SREBF1: variants seen among roughly 807,000 people sequenced by gnomAD.
SREBF1 encodes sterol regulatory element binding transcription factor 1.
In SREBF1, 45 loss-of-function variants were observed where a neutral mutation model predicts 100.1. The ratio of observed to expected loss-of-function variants is 0.45; its 90% CI spans 0.35 to 0.58. The LOEUF (loss-of-function observed/expected upper bound fraction) is 0.58. Among genes scored for constraint, SREBF1 ranks in the 20% least tolerant of loss-of-function variants. The pLI, the probability that SREBF1 is intolerant of heterozygous loss-of-function variation, is 0.00. For synonymous variants in SREBF1, 657 were observed against 681.8 expected, an observed-to-expected ratio of 0.96 and a Z score of 0.57; for missense variants, 1,324 against 1,539.4, an observed-to-expected ratio of 0.86 and a Z score of 2.34.
In SREBF1 at chr17:17,820,149, G is replaced by A. The variant is rs56061659; in HGVS notation, c.464C>T (p.Pro155Leu). ...TAACACAGGGGTGGAGCTGAACTGC[G>A]GTGGGGCTGGGGCTGGGAAGCTCTG... ...LPQSFPAPAP[P>L]QFSSTPVLGY... Residue 155 changes from proline (P) to leucine (L), a missense_variant, in exon 2 of 19, where the codon CCG becomes CTG. Coordinates refer to ENST00000261646, the MANE Select transcript of SREBF1 (RefSeq NM_004176.5). 1.5e-5 allele frequency: 24 copies of A among 1,613,140 alleles called. No homozygotes were observed. The highest frequency in any genetic ancestry group is 3.4e-4 in the Middle Eastern group (2 of 5,960).
intron 1 of SREBF1, among the ~76,000 whole-genome samples, chr17:17,822,018 C>G (rs890309077): frequency 1.3e-5 from 2 of 152,208 alleles, no homozygotes; most frequent in African/African-American, 4.8e-5. Flanking sequence ...CTTATAGAGT[C>G]AGAGACTCAA....
At chr17:17,828,933 G>T (rs748530232) in intron 1 of SREBF1, among the ~76,000 whole-genome samples, 1 of 151,206 alleles carries the variant, frequency 6.6e-6, no homozygotes, top group Admixed American at 6.6e-5. Flanking sequence ...ACTGGCTCAC[G>T]CCTGTAATCC....
At position 17,819,717 on chromosome 17, in the gene SREBF1, G is replaced by C; in HGVS notation, c.532C>G (p.Pro178Ala). ...PPGGFSTGSP[P>A]GNTQQPLPGL... The stretch of plus-strand genomic sequence containing the variant: ...GGCAGCGGCTGCTGGGTGTTCCCGG[G>C]AGGGCTTCCTGCAGAAATAAAGCAT... The change falls in exon 3 of 19, where the codon CCC (proline) becomes GCC (alanine). Residue 178 changes from proline (P) to alanine (A), a missense_variant. Transcript: ENST00000261646. 2 of 1,603,394 alleles carry C rather than the reference G, an allele frequency of 1.2e-6. No individual in the cohort carries two copies. Among genetic ancestry groups the C allele is most frequent in the South Asian group, 2.2e-5 (2 of 90,368 alleles).
At chr17:17,813,077 C>A in intron 18 of SREBF1, 1 of 603,100 alleles carries the variant, frequency 1.7e-6, no homozygotes, top group Admixed American at 2.9e-5. Context: ...ACAGTCACCC[C>A]ACTGATTCCT....
Position 17,820,320 on chromosome 17 carries a change from G to A in SREBF1, c.293C>T (p.Ser98Phe). 4 of 1,613,792 alleles carry A rather than the reference G, an allele frequency of 2.5e-6. No individual in the cohort carries two copies. The highest frequency in any genetic ancestry group is 3.4e-6 in the Non-Finnish European group (4 of 1,179,940). The change falls in exon 2 of 19, where the codon TCC becomes TTC. Residue 98 changes from serine to phenylalanine, a missense_variant. Transcript: ENST00000261646. ...TGGAGTGGGTGCAGGCTGGGGAGGG[G>A]ACAGGGGTGAGGGCGCTGCCTGCGG... ...SGPQAAPSPL[S>F]PPQPAPTPLK...
Position 17,819,321 on chromosome 17 carries a change from G to A in SREBF1, c.845C>T (p.Pro282Leu), listed in dbSNP as rs775239369. 1.1e-5 allele frequency: 17 copies of A among 1,613,616 alleles called. No individual in the cohort carries two copies. The highest frequency in any genetic ancestry group is 2.2e-5 in the South Asian group (2 of 91,088). The change falls in exon 4 of 19, where the codon CCG becomes CTG. Residue 282 changes from proline (P) to leucine (L), a missense_variant and splice_region_variant. Pro to Leu is a moderately conservative substitution (Grantham distance 98). Transcript: ENST00000261646. ...TTATGCCCTGCCCACGTCACCCACC[G>A]GCAAAGGCCCTGTCTGCACAGTGGT... ...SGTTVQTGPL[P>L]TLVSGGTILA...
In SREBF1 at chr17:17,820,279, A is replaced by G; in HGVS notation, c.334T>C (p.Ser112Pro). 6.2e-7 allele frequency: 1 copy of G among 1,613,842 alleles called. No individual in the cohort carries two copies. The highest frequency in any genetic ancestry group is 2.2e-5 in the East Asian group (1 of 44,874). ...GGCCCAGGGGAGAAAGCGGGCATGG[A>G]CGGGTACATCTTCAATGGAGTGGGT... Reference protein sequence around the residue: ...PAPTPLKMYPSMPAFSPGPGI... With the variant: ...PAPTPLKMYPPMPAFSPGPGI... Residue 112 changes from serine to proline, a missense_variant, in exon 2 of 19, where the codon TCC becomes CCC. Physicochemically the swap from Ser to Pro is moderately conservative, Grantham distance 74. Transcript: ENST00000261646.
intron 16 of SREBF1, 118 bp from the exon 17 acceptor site, chr17:17,813,887 T>C: frequency 9.3e-7 from 1 of 1,076,082 alleles, no homozygotes; most frequent in Non-Finnish European, 1.4e-6. Context: ...TGCACCCGCC[T>C]CACACACGTG....
intron 1 of SREBF1, 23 bp from the exon 2 acceptor site, chr17:17,820,544 C>T (rs756397641): frequency 8.1e-6 from 13 of 1,611,296 alleles, no homozygotes; most frequent in Middle Eastern, 1.6e-4. Flanking sequence ...GAAGAGGGTG[C>T]GTGAGTGAGG....
intron 1 of SREBF1, among the ~76,000 whole-genome samples, chr17:17,825,296 T>G (rs1179334480): frequency 6.6e-6 from 1 of 152,184 alleles, no homozygotes; most frequent in Non-Finnish European, 1.5e-5. Context: ...TGTCTCATCT[T>G]CCTGCTCTAA....
At chr17:17,830,439 A>G (rs1598139154) in intron 1 of SREBF1, among the ~76,000 whole-genome samples, 1 of 152,280 alleles carries the variant, frequency 6.6e-6, no homozygotes, top group Non-Finnish European at 1.5e-5. Flanking sequence ...AGCTGCTTTT[A>G]GTACTGCTCC....
In SREBF1 at chr17:17,812,134, A is replaced by G. The variant is rs138746790; in HGVS notation, c.*488T>C. 162 of 426,554 alleles carry G rather than the reference A, an allele frequency of 3.8e-4. No individual in the cohort carries two copies. The highest frequency in any genetic ancestry group is 3.2e-3 in the East Asian group (43 of 13,312). 26.4% of individuals were successfully genotyped at this position (426,554 alleles called of 1,614,324 possible). A position where few individuals can be genotyped will look rare whatever the true frequency, so the allele number is the denominator to read the frequency against. ...AAAACTTCTCAATCTATGAAAATAA[A>G]GTTTGCAAAAGGCAAAGTAGCACAG... is the stretch of plus-strand genomic sequence containing the variant. On this transcript the variant is annotated 3_prime_UTR_variant, in exon 19 of 19. Coordinates refer to ENST00000261646, the MANE Select transcript of SREBF1 (RefSeq NM_004176.5).
At chr17:17,830,668 C>A (rs1297140280) in intron 1 of SREBF1, among the ~76,000 whole-genome samples, 1 of 152,196 alleles carries the variant, frequency 6.6e-6, no homozygotes, top group East Asian at 1.9e-4. Flanking sequence ...GGGTAGGCCA[C>A]AAATTCCCCC....
rs1358761602 is a variant in SREBF1 at position 17,812,296 on chromosome 17, A to T, written c.*326T>A. ...CAAGTTGGCTTCCGTCAGCACAGGG[A>T]AATGTACCCCTCTCTTCCCTGTACA... On this transcript the variant is annotated 3_prime_UTR_variant, in exon 19 of 19. Transcript: ENST00000261646. The T allele has an allele frequency of 2.1e-6, 1 of 474,544 alleles. No individual in the cohort carries two copies. The highest frequency in any genetic ancestry group is 2.0e-5 in the African/African-American group (1 of 50,398). The allele number at this position is 474,544 out of a possible 1,614,324, so 29.4% of individuals were successfully genotyped here. A position where few individuals can be genotyped will look rare whatever the true frequency, so the allele number is the denominator to read the frequency against.
At chr17:17,815,376 T>C in intron 12 of SREBF1, 47 bp from the exon 13 acceptor site, 1 of 1,497,884 alleles carries the variant, frequency 6.7e-7, no homozygotes, top group Non-Finnish European at 9.3e-7. Flanking sequence ...GGCCCCACCC[T>C]CCTCTCCAAG....
chr17:17,813,485 G>C lies in SREBF1; in HGVS notation c.3103-6C>G. 1 of 1,595,058 alleles carries C rather than the reference G, an allele frequency of 6.3e-7. No homozygotes were observed. The highest frequency in any genetic ancestry group is 8.5e-7 in the Non-Finnish European group (1 of 1,170,998). Reference sequence around the variant, plus strand: ...GTGGCCTCATGTAGGAACACCTGGGGGCCAGGAGAGTGGAGGCTCAGGGCT... The same window carrying C: ...GTGGCCTCATGTAGGAACACCTGGGCGCCAGGAGAGTGGAGGCTCAGGGCT... On this transcript the variant is annotated splice_region_variant and splice_polypyrimidine_tract_variant and intron_variant, in intron 17 of 18. Coordinates refer to ENST00000261646, the MANE Select transcript of SREBF1 (RefSeq NM_004176.5).
rs139267544 is a variant in SREBF1 at position 17,820,106 on chromosome 17, C to T, written c.507G>A (p.Pro169=). 99 of 1,612,078 alleles carry T rather than the reference C, an allele frequency of 6.1e-5. No individual in the cohort carries two copies. In the Admixed American group the frequency reaches 1.5e-3, roughly 24 times the overall value. ...STPVLGYPSP[P]GGFSTGSPPG... is the part of the protein sequence containing the mutation. ...CCCCCTTACCTGTAGAGAAGCCTCCCGGAGGGCTGGGGTAGCCTAACACAG... is the reference window on the plus strand; with the variant it reads ...CCCCCTTACCTGTAGAGAAGCCTCCTGGAGGGCTGGGGTAGCCTAACACAG... The change falls in exon 2 of 19, where the codon CCG becomes CCA. Residue 169 remains proline, a synonymous_variant. Coordinates refer to ENST00000261646, the MANE Select transcript of SREBF1 (RefSeq NM_004176.5).
Position 17,836,937 on chromosome 17 carries a change from G to T in SREBF1, c.-120C>A. 1 of 924,954 alleles carries T rather than the reference G, an allele frequency of 1.1e-6. No homozygotes were observed. Among genetic ancestry groups the T allele is most frequent in the Non-Finnish European group, 1.5e-6 (1 of 669,572 alleles). The allele number at this position is 924,954 out of a possible 1,614,324, so 57.3% of individuals were successfully genotyped here. On this transcript the variant is annotated 5_prime_UTR_variant, in exon 1 of 19. Coordinates refer to ENST00000261646, the MANE Select transcript of SREBF1 (RefSeq NM_004176.5). ...CCGCCGCTCCGCGCGTTCGTGTCCT[G>T]CCCTGGCCTCAGAGGCGGCCCGGCG...
rs768671095 is a variant in SREBF1 at position 17,815,945 on chromosome 17, G to A, written c.2298C>T (p.Pro766=). The A allele has an allele frequency of 1.9e-5, 31 of 1,612,812 alleles. No homozygotes were observed. The highest frequency in any genetic ancestry group is 6.7e-5 in the Admixed American group (4 of 59,996). The stretch of plus-strand genomic sequence containing the variant: ...CATCCACGAAGAAACGGTGGCCCAC[G>A]GGGTGGCAGAGCCACTGCATGGCAG... ...VPPAMQWLCH[P]VGHRFFVDGD... The change falls in exon 12 of 19, where the codon CCC becomes CCT. Residue 766 remains proline, a synonymous_variant. Transcript: ENST00000261646.
Sources: allele counts gnomAD v4.1 joint callset (sites outside exome capture counted in the v4.1 genomes callset), GRCh38; gene constraint gnomAD v4.1.1; transcripts MANE v1.5; gene names NCBI Gene and HGNC (gene_info 2026-07-23, HGNC 2026-07-21).